CASZ1: variants seen among roughly 807,000 people sequenced by gnomAD.
CASZ1 encodes castor zinc finger 1, also known as zinc finger protein castor homolog 1.
CASZ1 carries 28 observed loss-of-function variants against 135.2 expected under a neutral mutation model. The observed-to-expected ratio is 0.21, with a 90% CI of 0.15 to 0.28. The LOEUF (loss-of-function observed/expected upper bound fraction) is 0.28, where lower values mean the gene tolerates loss of function less well. Ranked by LOEUF, CASZ1 falls within the 10% of genes least tolerant of loss-of-function variation. The pLI, the probability that CASZ1 is intolerant of heterozygous loss-of-function variation, is 1.00. For synonymous variants in CASZ1, 1,068 were observed against 1,073.4 expected (o/e 0.99, Z 0.10); for missense variants, 2,161 against 2,453.3 (o/e 0.88, Z 2.52).
intron 11 of CASZ1, 142 bp from the exon 12 acceptor site, chr1:10,651,218 G>A (rs1208195545): frequency 9.6e-6 from 5 of 519,938 alleles, no homozygotes; most frequent in East Asian, 3.5e-5. Context: ...TGACGTGATC[G>A]CTCGCGACGC....
chr1:10,648,167 T>G, intron 15 of CASZ1, 28 bp from the exon 16 acceptor site: 2 of 1,438,292 alleles, frequency 1.4e-6, no homozygotes, highest in Admixed American at 2.5e-5. Context: ...GGGGGTCTCA[T>G]GGGGGGCAGT....
At chr1:10,692,126 CCTCG>C (rs1408528533) in intron 4 of CASZ1, among the ~76,000 whole-genome samples, 1 of 152,206 alleles carries the variant, frequency 6.6e-6, no homozygotes, top group African/African-American at 2.4e-5. Flanking sequence ...GCTGGGAGGC[CCTCG>C]CTCCAGTCAG....
chr1:10,662,121 G>A (rs551816772), intron 5 of CASZ1, among the ~76,000 whole-genome samples: 28 of 145,674 alleles, frequency 1.9e-4, no homozygotes, highest in Admixed American at 6.9e-4. Context: ...GACATACAAC[G>A]CACACATGCA....
intron 2 of CASZ1, among the ~76,000 whole-genome samples, chr1:10,738,944 T>TC (rs1639858757): frequency 6.9e-6 from 1 of 144,644 alleles, no homozygotes; most frequent in Non-Finnish European, 1.5e-5. Flanking sequence ...TTTTTTTTTT[T>TC]CACTTTTCGC....
chr1:10,679,891 C>A lies in CASZ1; in HGVS notation c.16+13983G>T, dbSNP rs1348608496. On this transcript the variant is annotated intron_variant, in intron 4 of 20. Coordinates refer to ENST00000377022, the MANE Select transcript of CASZ1 (RefSeq NM_001079843.3). The surrounding 1 kb of genome is among the most constrained non-coding windows in gnomAD (Gnocchi z 4.7). ...CAAGTCCCAGCCCTGGGACTCCCCTCCCCTACCCTTCCAGCATCCCTACCC... is the reference window on the plus strand; with the variant it reads ...CAAGTCCCAGCCCTGGGACTCCCCTACCCTACCCTTCCAGCATCCCTACCC... Among the ~76,000 whole-genome samples, 3 of 152,236 alleles carry A rather than the reference C, an allele frequency of 2.0e-5. No individual in the cohort carries two copies. The highest frequency in any genetic ancestry group is 1.3e-4 in the Admixed American group (2 of 15,290).
chr1:10,686,614 C>T (rs1448728422), intron 4 of CASZ1, among the ~76,000 whole-genome samples: 1 of 152,240 alleles, frequency 6.6e-6, no homozygotes, highest in African/African-American at 2.4e-5. Flanking sequence ...CTCCCCGCCA[C>T]CCTCTCTTGG....
Position 10,694,013 on chromosome 1 carries a change from G to T in CASZ1, c.-23-101C>A. On this transcript the variant is annotated intron_variant, in intron 3 of 20. Transcript: ENST00000377022. The surrounding 1 kb of genome is among the most constrained non-coding windows in gnomAD (Gnocchi z 6.6). ...CGCCCTGCTTGTCCCCCGCCCCGCA[G>T]GAGCGGCCCGTCCCGGGCGGGCGCC... The T allele has an allele frequency of 8.6e-7, 1 of 1,160,884 alleles. No individual in the cohort carries two copies. The highest frequency in any genetic ancestry group is 1.3e-5 in the South Asian group (1 of 74,430). The allele number at this position is 1,160,884 out of a possible 1,614,324, so 71.9% of individuals were successfully genotyped here.
rs1283998244 is a variant in CASZ1 at position 10,756,038 on chromosome 1, C to G, written c.-77+4663G>C. Among the ~76,000 whole-genome samples, 4 of 152,176 alleles carry G rather than the reference C, an allele frequency of 2.6e-5. No homozygotes were observed. Among genetic ancestry groups the G allele is most frequent in the African/African-American group, 7.2e-5 (3 of 41,442 alleles). On this transcript the variant is annotated intron_variant, in intron 2 of 20. Transcript: ENST00000377022. This position sits in a 1 kb window ranked among gnomAD's most constrained non-coding sequence, Gnocchi z 5.9. ...CGTGCACAGATGCACACGCCTCCCACCCGGACACACCCTCCCCCAGGGCCG... is the reference window on the plus strand; with the variant it reads ...CGTGCACAGATGCACACGCCTCCCAGCCGGACACACCCTCCCCCAGGGCCG...
Position 10,681,213 on chromosome 1 carries a change from T to C in CASZ1, c.16+12661A>G, listed in dbSNP as rs536268934. Among the ~76,000 whole-genome samples the C allele has an allele frequency of 8.3e-4, 125 of 151,214 alleles. 1 individual carries two copies. Among genetic ancestry groups the C allele is most frequent in the Admixed American group, 1.2e-3 (19 of 15,234 alleles). On this transcript the variant is annotated intron_variant, in intron 4 of 20. Coordinates refer to ENST00000377022, the MANE Select transcript of CASZ1 (RefSeq NM_001079843.3). Reference sequence around the variant, plus strand: ...ACCGTGCCTGACCTTTTTTTTTTTTTCCTTGAAGTCTTTTATCCATTACCC... The same window carrying C: ...ACCGTGCCTGACCTTTTTTTTTTTTCCCTTGAAGTCTTTTATCCATTACCC...
intron 9 of CASZ1, among the ~76,000 whole-genome samples, chr1:10,654,875 G>A (rs1642735803): frequency 6.6e-6 from 1 of 152,224 alleles, no homozygotes; most frequent in Non-Finnish European, 1.5e-5. Flanking sequence ...TTTGGCCCAG[G>A]GGAGGGAGCT....
At position 10,676,494 on chromosome 1, in the gene CASZ1, G is replaced by A. The variant is rs1638228799; in HGVS notation, c.17-10923C>T. Among the ~76,000 whole-genome samples the A allele has an allele frequency of 6.6e-6, 1 of 152,046 alleles. No individual in the cohort carries two copies. The highest frequency in any genetic ancestry group is 2.1e-4 in the South Asian group (1 of 4,800). The stretch of plus-strand genomic sequence containing the variant: ...ACAAAGAAGACACCAAGAGCCCCCG[G>A]GGAGGCCTCTCCACCATCCTCTGAA... On this transcript the variant is annotated intron_variant, in intron 4 of 20. Transcript: ENST00000377022. This position sits in a 1 kb window ranked among gnomAD's most constrained non-coding sequence, Gnocchi z 4.5.
chr1:10,669,439 A>G (rs1210505798), intron 4 of CASZ1, among the ~76,000 whole-genome samples: 1 of 152,206 alleles, frequency 6.6e-6, no homozygotes, highest in East Asian at 1.9e-4. Flanking sequence ...TAATTTACTG[A>G]TATTTATAAA....
At chr1:10,762,000 T>C (rs1640385687) in intron 1 of CASZ1, among the ~76,000 whole-genome samples, 1 of 152,164 alleles carries the variant, frequency 6.6e-6, no homozygotes, top group South Asian at 2.1e-4. Flanking sequence ...GGCTGGGCCC[T>C]GCCTCCTTAG....
At chr1:10,682,654 C>G (rs1557502413) in intron 4 of CASZ1, among the ~76,000 whole-genome samples, 1 of 152,228 alleles carries the variant, frequency 6.6e-6, no homozygotes, top group African/African-American at 2.4e-5. Flanking sequence ...TTTGTTAACA[C>G]CTTCCCTGCA....
In CASZ1 at chr1:10,767,330, G is replaced by T. The variant is rs984390420; in HGVS notation, c.-233-6473C>A. 1.3e-5 allele frequency among the ~76,000 whole-genome samples: 2 copies of T among 152,218 alleles called. No individual in the cohort carries two copies. Among genetic ancestry groups the T allele is most frequent in the East Asian group, 3.8e-4 (2 of 5,200 alleles). ...CCTGGAGGGCAGGCAGCAGAGCTGGGGCCCCATCTCCCAGCAATGGAGGCC... is the reference window on the plus strand; with the variant it reads ...CCTGGAGGGCAGGCAGCAGAGCTGGTGCCCCATCTCCCAGCAATGGAGGCC... On this transcript the variant is annotated intron_variant, in intron 1 of 20. Coordinates refer to ENST00000377022, the MANE Select transcript of CASZ1 (RefSeq NM_001079843.3). This position sits in a 1 kb window ranked among gnomAD's most constrained non-coding sequence, Gnocchi z 4.2.
rs1638859225 is a variant in CASZ1 at position 10,694,166 on chromosome 1, C to T, written c.-23-254G>A. On this transcript the variant is annotated intron_variant, in intron 3 of 20. Coordinates refer to ENST00000377022, the MANE Select transcript of CASZ1 (RefSeq NM_001079843.3). This position sits in a 1 kb window ranked among gnomAD's most constrained non-coding sequence, Gnocchi z 6.6. ...CAGCAACTCTCGGCCGGCGCGGCCC[C>T]GGCTTGGGGGCCCTGGCCGGGGGAT... 2 of 318,200 alleles carry T rather than the reference C, an allele frequency of 6.3e-6. No individual in the cohort carries two copies. The highest frequency in any genetic ancestry group is 9.9e-6 in the Non-Finnish European group (2 of 201,634). The allele number at this position is 318,200 out of a possible 1,614,324, so 19.7% of individuals were successfully genotyped here. A position where few individuals can be genotyped will look rare whatever the true frequency, so the allele number is the denominator to read the frequency against.
intron 2 of CASZ1, among the ~76,000 whole-genome samples, chr1:10,749,216 G>A (rs1169333484): frequency 1.3e-5 from 2 of 151,792 alleles, no homozygotes; most frequent in Non-Finnish European, 1.5e-5. Context: ...ACCACATGGC[G>A]GCTTCACATT....
Position 10,734,378 on chromosome 1 carries a change from C to T in CASZ1, c.-77+26323G>A, listed in dbSNP as rs114843731. On this transcript the variant is annotated intron_variant, in intron 2 of 20. Transcript: ENST00000377022. ...GACATCTTTTTATTTTGTTTTTTTTCGGTAATTATACTAAAGATGAAAAAC... is the reference window on the plus strand; with the variant it reads ...GACATCTTTTTATTTTGTTTTTTTTTGGTAATTATACTAAAGATGAAAAAC... 5.8e-3 allele frequency among the ~76,000 whole-genome samples: 859 copies of T among 148,952 alleles called. 7 individuals carry two copies. The highest frequency in any genetic ancestry group is 0.02 in the African/African-American group (799 of 40,652).
At chr1:10,796,317 C>A (rs1001106929) in intron 1 of CASZ1, among the ~76,000 whole-genome samples, 1 of 152,158 alleles carries the variant, frequency 6.6e-6, no homozygotes, top group Admixed American at 6.5e-5. Flanking sequence ...CGCGCCGCCC[C>A]GCGCCCGGGT....
Sources: allele counts gnomAD v4.1 joint callset (sites outside exome capture counted in the v4.1 genomes callset), GRCh38; gene constraint gnomAD v4.1.1; non-coding constraint Gnocchi (gnomAD v3.1); transcripts MANE v1.5; gene names NCBI Gene and HGNC (gene_info 2026-07-23, HGNC 2026-07-21).